The following PCDHGA2 variants were observed in gnomAD, a reference collection of about 807,000 sequenced individuals.
The protein encoded by PCDHGA2 is protocadherin gamma subfamily A, 2.
A neutral mutation model predicts 59.2 loss-of-function variants in PCDHGA2; 40 were observed. That is an observed-to-expected ratio of 0.68 (90% CI 0.52 to 0.88). PCDHGA2 has a LOEUF of 0.88. PCDHGA2 is among the 40% of genes least tolerant of loss of function. The probability of loss-of-function intolerance (pLI) is 0.00; values close to 1 mark genes in which losing one functional copy is unlikely to be tolerated. For synonymous variants in PCDHGA2, 560 were observed against 526.0 expected (o/e 1.06, Z -0.89); for missense variants, 1,226 against 1,204.0 (o/e 1.02, Z -0.27).
chr5:141,489,085 G>A lies in PCDHGA2; in HGVS notation c.2425-5722G>A, dbSNP rs1347512723. The A allele has an allele frequency of 2.6e-5, 6 of 230,066 alleles. No homozygotes were observed. The South Asian group carries it at 4.3e-4, about 16-fold the overall frequency. 14.3% of individuals were successfully genotyped at this position (230,066 alleles called of 1,614,324 possible). A position where few individuals can be genotyped will look rare whatever the true frequency, so the allele number is the denominator to read the frequency against. Reference sequence around the variant, plus strand: ...TCCCCCCTGCCCACCCCCGCCACTCGGTGACTAAGAACTGCTGCAAGCAGG... The same window carrying A: ...TCCCCCCTGCCCACCCCCGCCACTCAGTGACTAAGAACTGCTGCAAGCAGG... On this transcript the variant is annotated intron_variant, in intron 1 of 3. Coordinates refer to ENST00000394576, the MANE Select transcript of PCDHGA2 (RefSeq NM_018915.4). The surrounding 1 kb of genome is among the most constrained non-coding windows in gnomAD (Gnocchi z 4.5).
In PCDHGA2 at chr5:141,431,243, A is replaced by G; in HGVS notation, c.2425-63564A>G. 1 of 1,614,154 alleles carries G rather than the reference A, an allele frequency of 6.2e-7. No homozygotes were observed. Among genetic ancestry groups the G allele is most frequent in the Non-Finnish European group, 8.5e-7 (1 of 1,180,034 alleles). ...TCTACCCCACGCCTGGGATCCGGAT[A>G]TCGGGAAGAACTCTCTGCAGAGCTA... On this transcript the variant is annotated intron_variant, in intron 1 of 3. Coordinates refer to ENST00000394576, the MANE Select transcript of PCDHGA2 (RefSeq NM_018915.4). This position sits in a 1 kb window ranked among gnomAD's most constrained non-coding sequence, Gnocchi z 4.8.
chr5:141,395,544 G>T (rs1352260391), intron 1 of PCDHGA2: 4 of 11,560 alleles, frequency 3.5e-4, no homozygotes, highest in African/African-American at 5.6e-4. Flanking sequence ...GCTATTGTTT[G>T]TGTGTGTGTG....
intron 1 of PCDHGA2, chr5:141,372,605 T>A: frequency 6.2e-7 from 1 of 1,614,050 alleles, no homozygotes; most frequent in Non-Finnish European, 8.5e-7. Context: ...AGACTGTACC[T>A]GGAGTTCTCC....
chr5:141,424,956 T>C (rs1435882776), intron 1 of PCDHGA2, among the ~76,000 whole-genome samples: 3 of 152,176 alleles, frequency 2.0e-5, no homozygotes, highest in African/African-American at 7.2e-5. Context: ...TTCTAGGTAT[T>C]TGCCCCAAAT....
intron 1 of PCDHGA2, chr5:141,410,427 A>G (rs746046310): frequency 1.4e-5 from 22 of 1,613,832 alleles, no homozygotes; most frequent in East Asian, 1.1e-4. Flanking sequence ...GTTCCCCCCA[A>G]CTACAGTGAG....
chr5:141,397,372 G>A (rs1014875277), intron 1 of PCDHGA2, among the ~76,000 whole-genome samples: 3 of 152,012 alleles, frequency 2.0e-5, no homozygotes, highest in Admixed American at 6.6e-5. Context: ...AGATGTTTGG[G>A]GATTGGTATA....
chr5:141,502,331 G>C lies in PCDHGA2; in HGVS notation c.2484-3062G>C, dbSNP rs555959890. ...TCCTTTAATCTGGAGCCAGCTCCCA[G>C]TCTTTTTATTTTTTTAATGACATGG... On this transcript the variant is annotated intron_variant, in intron 2 of 3. Transcript: ENST00000394576. Among the ~76,000 whole-genome samples, 42 of 152,102 alleles carry C rather than the reference G, an allele frequency of 2.8e-4. No individual in the cohort carries two copies. The South Asian group carries it at 6.2e-3, about 23-fold the overall frequency.
chr5:141,503,372 G>A (rs1275544964), intron 2 of PCDHGA2, among the ~76,000 whole-genome samples: 1 of 151,968 alleles, frequency 6.6e-6, no homozygotes, highest in Non-Finnish European at 1.5e-5. Context: ...GGAGGCAGGT[G>A]GATCATGAGG....
rs1758792333 is a variant in PCDHGA2, at chr5:141,351,701, G to C, written c.2424+10306G>C. ...CTCCGACCCGGATTTGGGACCCAAC[G>C]GCAGAGTCTCCTACTCTATTCTGGC... On this transcript the variant is annotated intron_variant, in intron 1 of 3. Transcript: ENST00000394576. 8.7e-6 allele frequency: 14 copies of C among 1,613,926 alleles called. No homozygotes were observed. Among genetic ancestry groups the C allele is most frequent in the African/African-American group, 1.3e-5 (1 of 75,066 alleles).
chr5:141,360,347 A>G, intron 1 of PCDHGA2: 1 of 1,613,970 alleles, frequency 6.2e-7, no homozygotes, highest in Non-Finnish European at 8.5e-7. Flanking sequence ...GTTAGCGCGG[A>G]GAAGGAATAT....
At chr5:141,344,738 A>T (rs746231333) in intron 1 of PCDHGA2, 1 of 1,613,992 alleles carries the variant, frequency 6.2e-7, no homozygotes, top group Non-Finnish European at 8.5e-7. Flanking sequence ...TCCTGGATGC[A>T]AATGACAACC....
Position 141,388,177 on chromosome 5 carries a change from A to T in PCDHGA2, c.2424+46782A>T, listed in dbSNP as rs778496978. 25 of 1,515,690 alleles carry T rather than the reference A, an allele frequency of 1.6e-5. No individual in the cohort carries two copies. The Admixed American group carries it at 4.5e-4, about 27-fold the overall frequency. 93.9% of individuals were successfully genotyped at this position (1,515,690 alleles called of 1,614,324 possible). On this transcript the variant is annotated intron_variant, in intron 1 of 3. Coordinates refer to ENST00000394576, the MANE Select transcript of PCDHGA2 (RefSeq NM_018915.4). The stretch of plus-strand genomic sequence containing the variant: ...CTAGACAGGGAGGAGATATGCGGGA[A>T]GAAGCCAGCTTGTGCTCTGGAATTT...
chr5:141,494,844 C>T lies in PCDHGA2; in HGVS notation c.2462C>T (p.Ala821Val). The change falls in exon 2 of 4, where the codon GCC becomes GTC. Residue 821 changes from alanine to valine, a missense_variant. Ala to Val is a moderately conservative substitution (Grantham distance 64). Coordinates refer to ENST00000394576, the MANE Select transcript of PCDHGA2 (RefSeq NM_018915.4). ...PPNTDWRFSQ[A>V]QRPGTSGSQN... The stretch of plus-strand genomic sequence containing the variant: ...AACACGGACTGGCGTTTCTCTCAGG[C>T]CCAGAGACCCGGCACCAGCGGGTAG... The T allele has an allele frequency of 6.2e-7, 1 of 1,614,190 alleles. No homozygotes were observed. The highest frequency in any genetic ancestry group is 8.5e-7 in the Non-Finnish European group (1 of 1,180,028).
chr5:141,506,516 G>A (rs2099854579), intron 3 of PCDHGA2, among the ~76,000 whole-genome samples: 1 of 151,324 alleles, frequency 6.6e-6, no homozygotes, highest in Non-Finnish European at 1.5e-5. Flanking sequence ...CTGGCACCTG[G>A]CACCACCACT....
chr5:141,470,778 C>A (rs1047167697), intron 1 of PCDHGA2, among the ~76,000 whole-genome samples: 1 of 152,132 alleles, frequency 6.6e-6, no homozygotes, highest in African/African-American at 2.4e-5. Context: ...GTCTTGAATT[C>A]CTGGGCTCAA....
chr5:141,455,143 T>C (rs984886337), intron 1 of PCDHGA2, among the ~76,000 whole-genome samples: 1 of 149,894 alleles, frequency 6.7e-6, no homozygotes, highest in Non-Finnish European at 1.5e-5. Flanking sequence ...CTGTGTTAAA[T>C]AAATATTAGT....
At chr5:141,466,201 T>C (rs985163022) in intron 1 of PCDHGA2, among the ~76,000 whole-genome samples, 1 of 152,006 alleles carries the variant, frequency 6.6e-6, no homozygotes, top group African/African-American at 2.4e-5. Context: ...GACACAGCCT[T>C]GCTCTGTTAC....
At position 141,398,835 on chromosome 5, in the gene PCDHGA2, T is replaced by C. The variant is rs371527677; in HGVS notation, c.2424+57440T>C. The C allele has an allele frequency of 2.0e-5, 33 of 1,613,914 alleles. No homozygotes were observed. In the African/African-American group the frequency reaches 3.7e-4, roughly 18 times the overall value. ...TCCGGATCCAGGTAACCGACGCCAA[T>C]GATAATCCCCCGGTATTCAACCGAG... On this transcript the variant is annotated intron_variant, in intron 1 of 3. Transcript: ENST00000394576.
At position 141,473,628 on chromosome 5, in the gene PCDHGA2, A is replaced by T. The variant is rs533175704; in HGVS notation, c.2425-21179A>T. The stretch of plus-strand genomic sequence containing the variant: ...AAAGCAAAGGGAGGGAGGAAAAAGC[A>T]GCTTTCCTGGCAAAGGAACAATTTG... On this transcript the variant is annotated intron_variant, in intron 1 of 3. Transcript: ENST00000394576. 4.6e-5 allele frequency among the ~76,000 whole-genome samples: 7 copies of T among 152,334 alleles called. No individual in the cohort carries two copies. In the South Asian group the frequency reaches 1.4e-3, roughly 32 times the overall value.
Sources: gnomAD v4.1 joint callset for allele counts (sites outside exome capture counted in the v4.1 genomes callset) on GRCh38, gnomAD v4.1.1 for gene constraint, Gnocchi (gnomAD v3.1) non-coding constraint, MANE v1.5 for transcripts, NCBI Gene and HGNC (gene_info 2026-07-23, HGNC 2026-07-21) for gene names.